The following WDR5 variants were observed in gnomAD, a reference collection of about 807,000 sequenced individuals.
WDR5 encodes the protein WD repeat-containing protein 5.
For missense variants in WDR5, 187 were observed against 416.9 expected (o/e 0.45, Z 4.80); for synonymous variants, 144 against 161.6 (o/e 0.89, Z 0.83).
intron 8 of WDR5, among the ~76,000 whole-genome samples, chr9:134,150,290 T>C (rs1354050914): frequency 6.6e-6 from 1 of 152,210 alleles, no homozygotes; most frequent in Non-Finnish European, 1.5e-5. Flanking sequence ...AACGTAAACA[T>C]CAGGAAACCT....
chr9:134,158,133 A>G lies in WDR5; in HGVS notation c.*140A>G. On this transcript the variant is annotated 3_prime_UTR_variant, in exon 14 of 14. Coordinates refer to ENST00000358625, the MANE Select transcript of WDR5 (RefSeq NM_017588.3). Reference sequence around the variant, plus strand: ...GATTTGAGCCTCCTCTCTGAAGATGATTTGGCCGAGCGGAAGGTGTGGACC... The same window carrying G: ...GATTTGAGCCTCCTCTCTGAAGATGGTTTGGCCGAGCGGAAGGTGTGGACC... 2.7e-6 allele frequency: 2 copies of G among 729,732 alleles called. No individual in the cohort carries two copies. Among genetic ancestry groups the G allele is most frequent in the South Asian group, 3.5e-5 (2 of 56,536 alleles). 45.2% of individuals were successfully genotyped at this position (729,732 alleles called of 1,614,324 possible).
chr9:134,148,147 T>A (rs942653779), intron 7 of WDR5, 141 bp from the exon 8 acceptor site: 1 of 658,692 alleles, frequency 1.5e-6, no homozygotes. Flanking sequence ...AGAGCGAGAC[T>A]CTTTCTGAAA....
chr9:134,154,316 C>T (rs1207093278), intron 9 of WDR5, 150 bp from the exon 10 acceptor site: 17 of 808,348 alleles, frequency 2.1e-5, no homozygotes, highest in South Asian at 1.1e-4. Context: ...GGCCACCCTT[C>T]GGGGCGGCGA....
In WDR5 at chr9:134,140,788, A is replaced by G. The variant is rs1168881553; in HGVS notation, c.167A>G (p.Asn56Ser). ...GTGTCCTCCGTGAAATTCAGCCCGAATGGAGAGTGGCTGGCAAGTTCATGT... is the reference window on the plus strand; with the variant it reads ...GTGTCCTCCGTGAAATTCAGCCCGAGTGGAGAGTGGCTGGCAAGTTCATGT... ...KAVSSVKFSP[N>S]GEWLASSSAD... The change falls in exon 3 of 14, where the codon AAT (asparagine) becomes AGT (serine). Residue 56 changes from asparagine to serine, a missense_variant. Transcript: ENST00000358625. The G allele has an allele frequency of 1.2e-6, 2 of 1,614,130 alleles. No individual in the cohort carries two copies. The highest frequency in any genetic ancestry group is 1.7e-5 in the Admixed American group (1 of 60,022).
At chr9:134,147,516 C>T (rs1772639171) in intron 7 of WDR5, among the ~76,000 whole-genome samples, 1 of 152,196 alleles carries the variant, frequency 6.6e-6, no homozygotes, top group African/African-American at 2.4e-5. Context: ...CAGTACCACC[C>T]TGTCCCCCCC....
chr9:134,135,974 A>C (rs1287215095), upstream of WDR5: 4 of 151,878 alleles, frequency 2.6e-5, no homozygotes, highest in Non-Finnish European at 4.4e-5. Flanking sequence ...GGCCGGCCCG[A>C]GGCATTCTGG....
intron 5 of WDR5, 68 bp downstream of exon 5, chr9:134,142,106 T>C: frequency 1.4e-6 from 2 of 1,455,148 alleles, no homozygotes; most frequent in Middle Eastern, 1.7e-4. Context: ...TGCGGGGGAC[T>C]GAGTTGACTG....
chr9:134,136,196 G>A lies in WDR5; in HGVS notation c.-63G>A, dbSNP rs1306826425. 6.8e-6 allele frequency: 1 copy of A among 147,690 alleles called. No homozygotes were observed. Among genetic ancestry groups the A allele is most frequent in the African/African-American group, 2.4e-5 (1 of 40,954 alleles). The allele number at this position is 147,690 out of a possible 1,614,324, so 9.1% of individuals were successfully genotyped here. Reference sequence around the variant, plus strand: ...GCGCCCGGCCCCGCCGCCGCGGCCCGGCAGGTAAGCGGGCAGCCGCCCGGC... The same window carrying A: ...GCGCCCGGCCCCGCCGCCGCGGCCCAGCAGGTAAGCGGGCAGCCGCCCGGC... On this transcript the variant is annotated 5_prime_UTR_variant, in exon 1 of 14. Transcript: ENST00000358625.
chr9:134,148,466 T>G, intron 8 of WDR5, 123 bp downstream of exon 8: 1 of 837,556 alleles, frequency 1.2e-6, no homozygotes, highest in East Asian at 2.8e-5. Context: ...TTCCGAAGCT[T>G]CTCTTCTGGC....
At position 134,155,414 on chromosome 9, in the gene WDR5, C is replaced by A. The variant is rs1203789397; in HGVS notation, c.741+41C>A. The stretch of plus-strand genomic sequence containing the variant: ...CTTGGGCCCCCATGGTGCACCATCC[C>A]TGGGTCATGGCCTCTGGTGGGGACA... On this transcript the variant is annotated intron_variant, in intron 11 of 13. Transcript: ENST00000358625. The A allele has an allele frequency of 2.5e-6, 4 of 1,575,180 alleles. 1 individual carries two copies.
intron 9 of WDR5, among the ~76,000 whole-genome samples, chr9:134,152,980 C>G (rs759711829): frequency 3.9e-5 from 6 of 152,206 alleles, no homozygotes; most frequent in Non-Finnish European, 5.9e-5. Flanking sequence ...CTGTCGCCCT[C>G]TTTGAAGGCC....
chr9:134,145,290 G>C (rs1337776590), intron 7 of WDR5, among the ~76,000 whole-genome samples: 1 of 151,972 alleles, frequency 6.6e-6, no homozygotes, highest in Non-Finnish European at 1.5e-5. Flanking sequence ...GTAGAGACAG[G>C]GTTTCACCAT....
At chr9:134,143,575 G>A (rs1426764130) in intron 7 of WDR5, among the ~76,000 whole-genome samples, 2 of 151,010 alleles carry the variant, frequency 1.3e-5, no homozygotes, top group Non-Finnish European at 3.0e-5. Flanking sequence ...TGCCCAGGCT[G>A]GAGTGCAGTG....
At chr9:134,155,515 G>C (rs1377943974) in intron 11 of WDR5, 142 bp downstream of exon 11, 12 of 1,326,998 alleles carry the variant, frequency 9.0e-6, no homozygotes, top group Non-Finnish European at 1.1e-5. Context: ...ATTCCTGAAA[G>C]ACCTGGGTAT....
At chr9:134,156,647 C>A in intron 13 of WDR5, 54 bp downstream of exon 13, 1 of 1,579,344 alleles carries the variant, frequency 6.3e-7, no homozygotes, top group African/African-American at 1.3e-5. Context: ...GAGGACAGTT[C>A]CTGCAGGTGA....
rs771961962 is a variant in WDR5 at position 134,151,979 on chromosome 9, G to A, written c.585-4G>A. On this transcript the variant is annotated splice_polypyrimidine_tract_variant and splice_region_variant and intron_variant, in intron 8 of 13. Coordinates refer to ENST00000358625, the MANE Select transcript of WDR5 (RefSeq NM_017588.3). ...TACGCTTTTTTGTTCTCTTTGCTTC[G>A]AAGTCGCATCTGGGACACCGCCTCA... The A allele has an allele frequency of 8.7e-6, 14 of 1,613,652 alleles. No homozygotes were observed. In the East Asian group the frequency reaches 8.9e-5, roughly 10 times the overall value.
chr9:134,150,556 TAGTG>T (rs552627291), intron 8 of WDR5, among the ~76,000 whole-genome samples: 114 of 152,352 alleles, frequency 7.5e-4, no homozygotes, highest in Non-Finnish European at 1.4e-3. Flanking sequence ...AGTTTCTAGT[TAGTG>T]TAAGAAAATG....
At position 134,158,607 on chromosome 9, in the gene WDR5, C is replaced by T. The variant is rs1465650637; in HGVS notation, c.*614C>T. On this transcript the variant is annotated 3_prime_UTR_variant, in exon 14 of 14. Transcript: ENST00000358625. ...CCACATGCCGATAGCACGGTCATCG[C>T]ACATGACTCTCCCGTTTGTCTCAGT... 1 of 152,370 alleles carries T rather than the reference C, an allele frequency of 6.6e-6. No homozygotes were observed. The highest frequency in any genetic ancestry group is 2.4e-5 in the African/African-American group (1 of 41,458). 9.4% of individuals were successfully genotyped at this position (152,370 alleles called of 1,614,324 possible).
At chr9:134,156,643 A>C (rs1272965845) in intron 13 of WDR5, 50 bp downstream of exon 13, 2 of 1,589,526 alleles carry the variant, frequency 1.3e-6, no homozygotes, top group Non-Finnish European at 1.7e-6. Flanking sequence ...ATGTGAGGAC[A>C]GTTCCTGCAG....
Sources: gnomAD v4.1 joint callset for allele counts (sites outside exome capture counted in the v4.1 genomes callset) on GRCh38, gnomAD v4.1.1 for gene constraint, MANE v1.5 for transcripts, NCBI Gene and HGNC (gene_info 2026-07-23, HGNC 2026-07-21) for gene names.